OGA: variants seen among roughly 807,000 people sequenced by gnomAD.
The protein encoded by OGA is O-GlcNAcase, also known as protein O-GlcNAcase.
Under a neutral mutation model 102.0 loss-of-function variants are expected in OGA, and 21 were observed. The ratio of observed to expected loss-of-function variants is 0.21; its 90% CI spans 0.15 to 0.30. The LOEUF is 0.30. OGA is among the 10% of genes least tolerant of loss of function. OGA has a pLI of 1.00. For missense variants in OGA, 765 were observed against 1,107.8 expected (o/e 0.69, Z 4.39); for synonymous variants, 408 against 378.2 (o/e 1.08, Z -0.91).
rs2135110107 is a variant in OGA at position 101,818,029 on chromosome 10, GC to G, written c.-8del. 2 of 1,565,570 alleles carry G rather than the reference GC, an allele frequency of 1.3e-6. No homozygotes were observed. The highest frequency in any genetic ancestry group is 8.7e-7 in the Non-Finnish European group (1 of 1,151,098). On this transcript the variant is annotated 5_prime_UTR_variant, in exon 1 of 16. Transcript: ENST00000361464. ...GACTCTCCTTCTGCACCATCCTCCTGCCCCCGGCCGCTGCCACCTCTGCGGG... is the reference window on the plus strand; with the variant it reads ...GACTCTCCTTCTGCACCATCCTCCTGCCCCGGCCGCTGCCACCTCTGCGGG...
At chr10:101,799,744 G>T (rs2065364912) in intron 8 of OGA, among the ~76,000 whole-genome samples, 1 of 152,154 alleles carries the variant, frequency 6.6e-6, no homozygotes, top group African/African-American at 2.4e-5. Flanking sequence ...GTTTTTAAGA[G>T]AAATTAGCAT....
intron 1 of OGA, among the ~76,000 whole-genome samples, chr10:101,814,577 A>T (rs2065598114): frequency 6.6e-6 from 1 of 152,198 alleles, no homozygotes; most frequent in Non-Finnish European, 1.5e-5. Flanking sequence ...GTGACAGAGC[A>T]AAACTCTCTC....
rs564008244 is a variant in OGA at position 101,803,972 on chromosome 10, C to A, written c.799G>T (p.Val267Phe). The change falls in exon 7 of 16, where the codon GTT (valine) becomes TTT (phenylalanine). Residue 267 changes from valine (V) to phenylalanine (F), a missense_variant. Coordinates refer to ENST00000361464, the MANE Select transcript of OGA (RefSeq NM_012215.5). ...GGAGCTCTCTTAATAATCTTAGAAA[C>A]CTCTTCGATGGACTCTACTGGAATT... ...KEIPVESIEEVSKIIKRAPVI... is the reference protein window; with the variant it reads ...KEIPVESIEEFSKIIKRAPVI... 6.2e-7 allele frequency: 1 copy of A among 1,613,828 alleles called. No individual in the cohort carries two copies. The highest frequency in any genetic ancestry group is 8.5e-7 in the Non-Finnish European group (1 of 1,179,782).
Position 101,786,181 on chromosome 10 carries a change from T to C in OGA, c.*270A>G, listed in dbSNP as rs1424564727. On this transcript the variant is annotated 3_prime_UTR_variant, in exon 16 of 16. Transcript: ENST00000361464. ...ATTTATTGAAGACTCTCTCCCTGTATAAGCCCATGTAAAAGGTCTCAGCAC... is the reference window on the plus strand; with the variant it reads ...ATTTATTGAAGACTCTCTCCCTGTACAAGCCCATGTAAAAGGTCTCAGCAC... 2 of 285,082 alleles carry C rather than the reference T, an allele frequency of 7.0e-6. No homozygotes were observed. The highest frequency in any genetic ancestry group is 1.3e-4 in the East Asian group (2 of 15,970). The allele number at this position is 285,082 out of a possible 1,614,324, so 17.7% of individuals were successfully genotyped here.
chr10:101,787,563 G>C, intron 14 of OGA, 40 bp from the exon 15 acceptor site: 1 of 1,545,568 alleles, frequency 6.5e-7, no homozygotes. Flanking sequence ...CAATAGTTAC[G>C]CATTAGATAT....
intron 6 of OGA, among the ~76,000 whole-genome samples, chr10:101,804,743 A>C (rs754606115): frequency 9.2e-5 from 14 of 151,700 alleles, no homozygotes; most frequent in Non-Finnish European, 1.6e-4. Context: ...GGTGTGCCCC[A>C]CCATGTCACA....
At chr10:101,811,862 T>G (rs1242947154) in intron 3 of OGA, among the ~76,000 whole-genome samples, 1 of 152,300 alleles carries the variant, frequency 6.6e-6, no homozygotes, top group East Asian at 1.9e-4. Flanking sequence ...ATAAGACATA[T>G]TTTTGAATAA....
intron 10 of OGA, among the ~76,000 whole-genome samples, chr10:101,794,467 T>C (rs1371912285): frequency 6.6e-6 from 1 of 152,146 alleles, no homozygotes; most frequent in Non-Finnish European, 1.5e-5. Flanking sequence ...GGGAGAAGGA[T>C]TAATCTTGTC....
intron 8 of OGA, 41 bp downstream of exon 8, chr10:101,800,201 T>C: frequency 6.3e-7 from 1 of 1,587,272 alleles, no homozygotes; most frequent in Non-Finnish European, 8.6e-7. Flanking sequence ...GTGACTCAAC[T>C]ATGTGATCTA....
intron 8 of OGA, 26 bp downstream of exon 8, chr10:101,800,216 C>A (rs2065372006): frequency 6.2e-7 from 1 of 1,606,348 alleles, no homozygotes; most frequent in African/African-American, 1.3e-5. Flanking sequence ...GATCTAACCC[C>A]CTTAACAAAG....
In OGA at chr10:101,810,187, G is replaced by C; in HGVS notation, c.477C>G (p.Asp159Glu). 6.2e-7 allele frequency: 1 copy of C among 1,609,406 alleles called. No individual in the cohort carries two copies. Among genetic ancestry groups the C allele is most frequent in the South Asian group, 1.1e-5 (1 of 89,746 alleles). ...KEVSTLKRKL[D>E]QVSQFGCRSF... ...TGAATAAAAAGTAAGGAGTTACCTG[G>C]TCCAATTTACGTTTCAATGTGGATA... Residue 159 changes from aspartate to glutamate, a missense_variant, in exon 4 of 16, where the codon GAC becomes GAG. Transcript: ENST00000361464.
At chr10:101,800,190 T>C in intron 8 of OGA, 52 bp downstream of exon 8, 6 of 1,563,642 alleles carry the variant, frequency 3.8e-6, no homozygotes, top group Non-Finnish European at 5.3e-6. Flanking sequence ...TTCTTTACTT[T>C]GTGACTCAAC....
intron 5 of OGA, among the ~76,000 whole-genome samples, chr10:101,806,356 C>T (rs1319824852): frequency 6.6e-6 from 1 of 152,204 alleles, no homozygotes; most frequent in African/African-American, 2.4e-5. Context: ...GCGCACGCCG[C>T]CACGCCCGGC....
chr10:101,799,979 T>C, intron 8 of OGA, among the ~76,000 whole-genome samples: 1 of 152,198 alleles, frequency 6.6e-6, no homozygotes, highest in Non-Finnish European at 1.5e-5. Context: ...TTGAGGCGAC[T>C]GTCCTGCCTC....
At chr10:101,815,973 A>G (rs1265505715) in intron 1 of OGA, among the ~76,000 whole-genome samples, 2 of 140,888 alleles carry the variant, frequency 1.4e-5, no homozygotes, top group Non-Finnish European at 3.2e-5. Context: ...GAAAAAAAAA[A>G]AAAAAAAAAA....
In OGA at chr10:101,794,006, G is replaced by A. The variant is rs774043173; in HGVS notation, c.1985-8C>T. The A allele has an allele frequency of 2.9e-5, 46 of 1,606,124 alleles. No individual in the cohort carries two copies. Among genetic ancestry groups the A allele is most frequent in the Non-Finnish European group, 3.8e-5 (45 of 1,173,334 alleles). On this transcript the variant is annotated splice_polypyrimidine_tract_variant and splice_region_variant and intron_variant, in intron 10 of 15. Transcript: ENST00000361464. ...AAGAATGACTACGACACCCTGTTGA[G>A]ATCAGATCCAAGCGGAGAACGTTAC...
chr10:101,797,779 A>G, intron 10 of OGA: 1 of 610,964 alleles, frequency 1.6e-6, no homozygotes. Context: ...AGCCCAAGGG[A>G]GAAAAATTAA....
intron 14 of OGA, among the ~76,000 whole-genome samples, chr10:101,788,130 TAA>T (rs529209574): frequency 6.7e-4 from 71 of 106,644 alleles, no homozygotes; most frequent in Non-Finnish European, 6.2e-4. Flanking sequence ...GACTCTGTCT[TAA>T]AAAAAAAAAA....
intron 4 of OGA, among the ~76,000 whole-genome samples, chr10:101,808,795 C>A (rs1382922411): frequency 6.6e-6 from 1 of 152,032 alleles, no homozygotes; most frequent in Admixed American, 6.6e-5. Context: ...TGGTGAAACC[C>A]CATCTCTACT....
Sources: gnomAD v4.1 joint callset for allele counts (sites outside exome capture counted in the v4.1 genomes callset) on GRCh38, gnomAD v4.1.1 for gene constraint, MANE v1.5 for transcripts, NCBI Gene and HGNC (gene_info 2026-07-23, HGNC 2026-07-21) for gene names.